The following RHPN2 variants were observed in gnomAD, a reference collection of about 807,000 sequenced individuals.
RHPN2 encodes the protein rhophilin Rho GTPase binding protein 2, also known as rhophilin-2.
Under a neutral mutation model 79.0 loss-of-function variants are expected in RHPN2, and 40 were observed. That is an observed-to-expected ratio of 0.51 (90% CI 0.39 to 0.66). The LOEUF is 0.66. RHPN2 is among the 30% of genes least tolerant of loss of function. The pLI, the probability that RHPN2 is intolerant of heterozygous loss-of-function variation, is 0.00. For missense variants in RHPN2, 686 were observed against 883.5 expected (o/e 0.78, Z 2.83); for synonymous variants, 285 against 363.5 (o/e 0.78, Z 2.46).
At chr19:33,043,326 G>A (rs1446140890) in intron 2 of RHPN2, among the ~76,000 whole-genome samples, 1 of 152,018 alleles carries the variant, frequency 6.6e-6, no homozygotes, top group Admixed American at 6.6e-5. Context: ...GGAGGCAGAC[G>A]GATCACTTGA....
intron 1 of RHPN2, among the ~76,000 whole-genome samples, chr19:33,062,444 A>G (rs530666459): frequency 6.6e-5 from 10 of 151,586 alleles, no homozygotes; most frequent in African/African-American, 2.2e-4. Flanking sequence ...CCTGGGTGAC[A>G]GAGCGAGACT....
chr19:32,995,989 G>A (rs777513912), intron 11 of RHPN2, 37 bp downstream of exon 11: 1 of 1,608,658 alleles, frequency 6.2e-7, no homozygotes, highest in South Asian at 1.1e-5. Context: ...CGCGGCACAG[G>A]CACCCCCACA....
At chr19:33,014,537 C>A (rs918571150) in intron 4 of RHPN2, among the ~76,000 whole-genome samples, 2 of 152,082 alleles carry the variant, frequency 1.3e-5, no homozygotes, top group African/African-American at 4.8e-5. Flanking sequence ...GACTCCTGGC[C>A]TCAGGTGATC....
intron 4 of RHPN2, among the ~76,000 whole-genome samples, chr19:33,017,703 T>TAAA (rs758409340): frequency 3.1e-5 from 3 of 98,114 alleles, no homozygotes; most frequent in East Asian, 2.8e-4. Flanking sequence ...CCCCATCTCT[T>TAAA]AAAAAAAAAA....
intron 2 of RHPN2, among the ~76,000 whole-genome samples, chr19:33,028,227 G>A (rs1971983629): frequency 6.6e-6 from 1 of 150,782 alleles, no homozygotes; most frequent in Non-Finnish European, 1.5e-5. Context: ...CACCATTATG[G>A]CTTACTACAG....
chr19:33,062,677 AG>A (rs1380506796), intron 1 of RHPN2, among the ~76,000 whole-genome samples: 1 of 151,442 alleles, frequency 6.6e-6, no homozygotes, highest in East Asian at 1.9e-4. Flanking sequence ...AGGCTGAGGC[AG>A]AACTGCTTGA....
intron 1 of RHPN2, among the ~76,000 whole-genome samples, chr19:33,050,840 G>A (rs561588050): frequency 6.6e-6 from 1 of 151,996 alleles, no homozygotes; most frequent in Admixed American, 6.6e-5. Flanking sequence ...CACCACACCC[G>A]GCTAATTTGT....
At chr19:33,064,409 G>A (rs1032511797) in intron 1 of RHPN2, among the ~76,000 whole-genome samples, 1 of 152,126 alleles carries the variant, frequency 6.6e-6, no homozygotes, top group East Asian at 1.9e-4. Context: ...CGCGCCCAGA[G>A]GCCAAGGGCG....
At chr19:33,024,158 G>A (rs1197643130) in intron 3 of RHPN2, among the ~76,000 whole-genome samples, 1 of 152,178 alleles carries the variant, frequency 6.6e-6, no homozygotes, top group African/African-American at 2.4e-5. Context: ...ACAGGAGGCC[G>A]GGTGTGGTGG....
intron 1 of RHPN2, among the ~76,000 whole-genome samples, chr19:33,046,365 G>A (rs10420200): frequency 0.07 from 10,581 of 151,858 alleles, 1,215 homozygotes; most frequent in African/African-American, 0.24. Context: ...TCCCAGGTTC[G>A]AACGATTCTC....
intron 14 of RHPN2, among the ~76,000 whole-genome samples, chr19:32,983,317 C>T (rs1356100855): frequency 3.3e-5 from 5 of 151,994 alleles, no homozygotes; most frequent in South Asian, 4.1e-4. Context: ...TTGAGACCAT[C>T]GGGGCTAACA....
At chr19:33,012,466 A>C (rs1971842867) in intron 5 of RHPN2, among the ~76,000 whole-genome samples, 181 bp downstream of exon 5, 1 of 151,956 alleles carries the variant, frequency 6.6e-6, no homozygotes, top group Non-Finnish European at 1.5e-5. Context: ...GGCATGAACC[A>C]CCGCGCCTGG....
chr19:33,010,522 A>AAGTAG (rs1971827314), intron 6 of RHPN2, among the ~76,000 whole-genome samples: 2 of 150,814 alleles, frequency 1.3e-5, no homozygotes, highest in Non-Finnish European at 2.9e-5. Context: ...AGCTGCGACT[A>AAGTAG]CAAGGCACGC....
chr19:33,008,038 T>C lies in RHPN2; in HGVS notation c.736A>G (p.Ile246Val). Residue 246 changes from isoleucine to valine, a missense_variant, in exon 7 of 15, where the codon ATA (isoleucine) becomes GTA (valine). Physicochemically the swap from Ile to Val is conservative, Grantham distance 29 (BLOSUM62 3). Coordinates refer to ENST00000254260, the MANE Select transcript of RHPN2 (RefSeq NM_033103.5). The stretch of plus-strand genomic sequence containing the variant: ...CCTGCGGCTCTCTGAAAGGCATCTA[T>C]GGCACTCTCCAGCCCAGCCTGCGTC... ...RQTQAGLESAIDAFQRAAGVL... is the reference protein window; with the variant it reads ...RQTQAGLESAVDAFQRAAGVL... 1 of 1,612,778 alleles carries C rather than the reference T, an allele frequency of 6.2e-7. No homozygotes were observed. The highest frequency in any genetic ancestry group is 2.0e-4 in the Middle Eastern group (1 of 5,002).
At chr19:33,009,243 G>A (rs1971817969) in intron 6 of RHPN2, among the ~76,000 whole-genome samples, 1 of 151,850 alleles carries the variant, frequency 6.6e-6, no homozygotes, top group African/African-American at 2.4e-5. Flanking sequence ...AACCCTAATG[G>A]AAACTATGGA....
intron 7 of RHPN2, among the ~76,000 whole-genome samples, chr19:33,006,785 TCTC>T (rs1458995457): frequency 1.3e-5 from 2 of 152,170 alleles, no homozygotes; most frequent in African/African-American, 4.8e-5. Context: ...AGGCTGCTTT[TCTC>T]CTCAACACCG....
At chr19:33,012,187 G>A (rs180917636) in intron 5 of RHPN2, among the ~76,000 whole-genome samples, 23 of 152,056 alleles carry the variant, frequency 1.5e-4, no homozygotes, top group African/African-American at 4.8e-4. Context: ...GATTACAGGC[G>A]TGTAGCACCA....
chr19:33,011,817 A>G lies in RHPN2; in HGVS notation c.469-14T>C. 6.2e-7 allele frequency: 1 copy of G among 1,613,930 alleles called. No individual in the cohort carries two copies. Among genetic ancestry groups the G allele is most frequent in the Non-Finnish European group, 8.5e-7 (1 of 1,179,852 alleles). On this transcript the variant is annotated splice_polypyrimidine_tract_variant and intron_variant, in intron 5 of 14. Transcript: ENST00000254260. ...CGTCCGACAAGCCTGCAAGGAAAAG[A>G]ACCCAAGAGGGCATGAGCAGAGGAG... is the stretch of plus-strand genomic sequence containing the variant.
Position 33,021,573 on chromosome 19 carries a change from T to C in RHPN2, c.388A>G (p.Lys130Glu). ...GTGCCCATGGCTTTGAGATTTACCT[T>C]GAGGACGACTGCAAAGTCGACGTCT... ...TKDVDFAVVLKDFILEHYSED... is the reference protein window; with the variant it reads ...TKDVDFAVVLEDFILEHYSED... Residue 130 changes from lysine (K) to glutamate (E), a missense_variant and splice_region_variant, in exon 4 of 15, where the codon AAG (lysine) becomes GAG (glutamate). Lys to Glu is a moderately conservative substitution (Grantham distance 56). Coordinates refer to ENST00000254260, the MANE Select transcript of RHPN2 (RefSeq NM_033103.5). 1 of 1,613,322 alleles carries C rather than the reference T, an allele frequency of 6.2e-7. No homozygotes were observed. The highest frequency in any genetic ancestry group is 1.1e-5 in the South Asian group (1 of 91,066).
Sources: gnomAD v4.1 joint callset for allele counts (sites outside exome capture counted in the v4.1 genomes callset) on GRCh38, gnomAD v4.1.1 for gene constraint, MANE v1.5 for transcripts, NCBI Gene and HGNC (gene_info 2026-07-23, HGNC 2026-07-21) for gene names.